Variants in PRMT8 observed in about 807,000 individuals in gnomAD.
PRMT8 encodes protein arginine methyltransferase 8, also known as protein arginine N-methyltransferase 8.
In PRMT8, 7 loss-of-function variants were observed where a neutral mutation model predicts 47.1. That is an observed-to-expected ratio of 0.15 (90% CI 0.08 to 0.28). The LOEUF (loss-of-function observed/expected upper bound fraction) is 0.28, where lower values mean the gene tolerates loss of function less well. PRMT8 is among the 10% of genes least tolerant of loss of function. PRMT8 has a pLI of 1.00. For synonymous variants in PRMT8, 188 were observed against 186.5 expected (o/e 1.01, Z -0.07); for missense variants, 237 against 505.4 (o/e 0.47, Z 5.09).
At chr12:3,468,868 G>A (rs1380394396) in intron 1 of PRMT8, 2 of 162,546 alleles carry the variant, frequency 1.2e-5, no homozygotes, top group Admixed American at 6.5e-5. Flanking sequence ...TGTTTTGCAC[G>A]CACTTCTCGC....
At chr12:3,418,736 T>C (rs752382401) in intron 1 of PRMT8, among the ~76,000 whole-genome samples, 3 of 142,180 alleles carry the variant, frequency 2.1e-5, no homozygotes, top group Non-Finnish European at 4.6e-5. Flanking sequence ...TTTCAGGTCA[T>C]GGCTGGAGCA....
At position 3,550,608 on chromosome 12, in the gene PRMT8, G is replaced by C. The variant is rs1389329666; in HGVS notation, c.417+517G>C. On this transcript the variant is annotated intron_variant, in intron 3 of 9. Transcript: ENST00000382622. The surrounding 1 kb of genome is among the most constrained non-coding windows in gnomAD (Gnocchi z 5.1). ...AAACAGTGCCCAGCATATGGCAAATGCTCGGCGTCTATTATTATAGTTGAG... is the reference window on the plus strand; with the variant it reads ...AAACAGTGCCCAGCATATGGCAAATCCTCGGCGTCTATTATTATAGTTGAG... 6.6e-6 allele frequency: 1 copy of C among 152,516 alleles called. No homozygotes were observed. The highest frequency in any genetic ancestry group is 2.4e-5 in the African/African-American group (1 of 41,462). 9.4% of individuals were successfully genotyped at this position (152,516 alleles called of 1,614,324 possible).
intron 1 of PRMT8, among the ~76,000 whole-genome samples, chr12:3,477,921 T>G (rs1307777495): frequency 1.3e-5 from 2 of 152,200 alleles, no homozygotes; most frequent in Admixed American, 6.5e-5. Context: ...CTGAGGATGT[T>G]TTCCTTCCTT....
chr12:3,423,392 G>T (rs988531491), intron 1 of PRMT8, among the ~76,000 whole-genome samples: 3 of 152,202 alleles, frequency 2.0e-5, no homozygotes, highest in Non-Finnish European at 4.4e-5. Flanking sequence ...CGTATGATTT[G>T]GTTGAGCATG....
intron 4 of PRMT8, 76 bp from the exon 5 acceptor site, chr12:3,568,630 T>C: frequency 1.3e-6 from 2 of 1,547,800 alleles, no homozygotes; most frequent in East Asian, 4.5e-5. Flanking sequence ...CCTGGAGATC[T>C]GGCCCTGAAG....
upstream of PRMT8, among the ~76,000 whole-genome samples, chr12:3,490,795 C>T (rs979396881): frequency 7.2e-5 from 11 of 152,090 alleles, no homozygotes; most frequent in Non-Finnish European, 1.2e-4. Context: ...CAGACACCCA[C>T]CCCTTCGTTC....
At chr12:3,511,872 T>C (rs184000094) in intron 1 of PRMT8, among the ~76,000 whole-genome samples, 150 of 152,380 alleles carry the variant, frequency 9.8e-4, no homozygotes, top group Non-Finnish European at 7.8e-4. Context: ...TTTGGCTTCC[T>C]AAGTGTGTAG....
intron 1 of PRMT8, among the ~76,000 whole-genome samples, chr12:3,494,082 G>A (rs1431310662): frequency 1.3e-5 from 2 of 152,188 alleles, no homozygotes; most frequent in Non-Finnish European, 2.9e-5. Flanking sequence ...CTGCATTTAT[G>A]GTAGATGAGA....
chr12:3,413,507 C>T (rs1864453097), intron 1 of PRMT8, among the ~76,000 whole-genome samples: 2 of 152,188 alleles, frequency 1.3e-5, no homozygotes, highest in Admixed American at 1.3e-4. Context: ...CACTATCTTC[C>T]ACTTCCTCAT....
At chr12:3,403,874 C>T (rs1864345105) in intron 1 of PRMT8, among the ~76,000 whole-genome samples, 1 of 52,762 alleles carries the variant, frequency 1.9e-5, no homozygotes, top group Non-Finnish European at 3.3e-5. Context: ...AAGACTCTGT[C>T]TCAAAAAAAA....
intron 1 of PRMT8, among the ~76,000 whole-genome samples, chr12:3,452,380 G>T (rs1390590223): frequency 6.6e-6 from 1 of 152,014 alleles, no homozygotes; most frequent in East Asian, 1.9e-4. Flanking sequence ...CTGGCAACAT[G>T]CAAGAGCACA....
chr12:3,579,566 T>C (rs183121411), intron 7 of PRMT8, among the ~76,000 whole-genome samples: 61 of 152,128 alleles, frequency 4.0e-4, no homozygotes, highest in Non-Finnish European at 7.5e-4. Context: ...GTCCCTTTCT[T>C]CCTCTGTGTT....
Position 3,550,157 on chromosome 12 carries a change from C to T in PRMT8, c.417+66C>T, listed in dbSNP as rs1866391128. ...GCCAGCCTCTTGCCCTCTGCCTCCA[C>T]CCGCCCTTCTAGAAGTACAAAATTT... On this transcript the variant is annotated intron_variant, in intron 3 of 9. Transcript: ENST00000382622. This position sits in a 1 kb window ranked among gnomAD's most constrained non-coding sequence, Gnocchi z 5.1. 1.3e-6 allele frequency: 2 copies of T among 1,586,314 alleles called. No individual in the cohort carries two copies. The highest frequency in any genetic ancestry group is 1.7e-6 in the Non-Finnish European group (2 of 1,161,172).
intron 1 of PRMT8, among the ~76,000 whole-genome samples, chr12:3,438,643 G>A (rs1864769464): frequency 6.6e-6 from 1 of 152,212 alleles, no homozygotes; most frequent in Non-Finnish European, 1.5e-5. Flanking sequence ...GGGTGTTTAT[G>A]TGGATTAGGA....
At chr12:3,465,167 AT>A (rs1233895426) in intron 1 of PRMT8, among the ~76,000 whole-genome samples, 2 of 143,244 alleles carry the variant, frequency 1.4e-5, no homozygotes, top group African/African-American at 2.5e-5. Flanking sequence ...ATAAAAAAAT[AT>A]ATATTTATAT....
Position 3,552,607 on chromosome 12 carries a change from C to G in PRMT8, c.418-1044C>G. ...AGCCTGAAGGCCAGGGACCTGGCAG[C>G]CCAGGAAAGGGCTGGTTCTCCTGGG... is the stretch of plus-strand genomic sequence containing the variant. On this transcript the variant is annotated intron_variant, in intron 3 of 9. Transcript: ENST00000382622. This position sits in a 1 kb window ranked among gnomAD's most constrained non-coding sequence, Gnocchi z 4.5. The G allele has an allele frequency of 2.6e-6, 1 of 391,946 alleles. No individual in the cohort carries two copies. The highest frequency in any genetic ancestry group is 1.9e-5 in the South Asian group (1 of 53,892). The allele number at this position is 391,946 out of a possible 1,614,324, so 24.3% of individuals were successfully genotyped here. A position where few individuals can be genotyped will look rare whatever the true frequency, so the allele number is the denominator to read the frequency against.
At chr12:3,397,694 G>T (rs1048192678) in intron 1 of PRMT8, among the ~76,000 whole-genome samples, 38 of 152,102 alleles carry the variant, frequency 2.5e-4, no homozygotes, top group Middle Eastern at 3.2e-3. Flanking sequence ...CAGAGGTGGA[G>T]CCTACAGAGG....
At position 3,552,413 on chromosome 12, in the gene PRMT8, G is replaced by A. The variant is rs573453517; in HGVS notation, c.418-1238G>A. Reference sequence around the variant, plus strand: ...TGCATTGGGGGCTTCGACTTCTCTCGGGAGGACACTGAGGCGCAGTTAGGA... The same window carrying A: ...TGCATTGGGGGCTTCGACTTCTCTCAGGAGGACACTGAGGCGCAGTTAGGA... On this transcript the variant is annotated intron_variant, in intron 3 of 9. Transcript: ENST00000382622. The surrounding 1 kb of genome is among the most constrained non-coding windows in gnomAD (Gnocchi z 4.5). 9 of 218,258 alleles carry A rather than the reference G, an allele frequency of 4.1e-5. No individual in the cohort carries two copies. Among genetic ancestry groups the A allele is most frequent in the East Asian group, 1.3e-4 (1 of 7,588 alleles). 13.5% of individuals were successfully genotyped at this position (218,258 alleles called of 1,614,324 possible). A position where few individuals can be genotyped will look rare whatever the true frequency, so the allele number is the denominator to read the frequency against.
intron 1 of PRMT8, among the ~76,000 whole-genome samples, chr12:3,401,498 T>A (rs1349903802): frequency 6.6e-6 from 1 of 152,156 alleles, no homozygotes; most frequent in Admixed American, 6.6e-5. Context: ...ATAAAGAGTA[T>A]TCAAATAGGA....
Sources: gnomAD v4.1 joint callset for allele counts (sites outside exome capture counted in the v4.1 genomes callset) on GRCh38, gnomAD v4.1.1 for gene constraint, Gnocchi (gnomAD v3.1) non-coding constraint, MANE v1.5 for transcripts, NCBI Gene and HGNC (gene_info 2026-07-23, HGNC 2026-07-21) for gene names.